Variants in DENND2B observed in about 807,000 individuals in gnomAD.
DENND2B encodes DENN domain-containing protein 2B.
A neutral mutation model predicts 116.0 loss-of-function variants in DENND2B; 32 were observed. The ratio of observed to expected loss-of-function variants is 0.28; its 90% CI spans 0.21 to 0.37. The LOEUF is 0.37. Ranked by LOEUF, DENND2B falls within the 10% of genes least tolerant of loss-of-function variation. DENND2B has a pLI of 1.00. For synonymous variants in DENND2B, 588 were observed against 583.9 expected (o/e 1.01, Z -0.10); for missense variants, 1,276 against 1,477.7 (o/e 0.86, Z 2.24).
intron 1 of DENND2B, among the ~76,000 whole-genome samples, chr11:8,898,274 C>T (rs2064126583): frequency 6.6e-6 from 1 of 152,114 alleles, no homozygotes; most frequent in Non-Finnish European, 1.5e-5. Flanking sequence ...CATCTGTAGT[C>T]CCAGCTACTC....
At chr11:8,701,297 C>T (rs1370382797) in intron 14 of DENND2B, among the ~76,000 whole-genome samples, 1 of 141,650 alleles carries the variant, frequency 7.1e-6, no homozygotes, top group Admixed American at 7.9e-5. Flanking sequence ...GAACATCAGG[C>T]GCCCTACATT....
At chr11:8,820,577 C>T (rs1594100564) in intron 4 of DENND2B, among the ~76,000 whole-genome samples, 3 of 152,226 alleles carry the variant, frequency 2.0e-5, no homozygotes, top group South Asian at 2.1e-4. Flanking sequence ...TGTAATCTAG[C>T]ATATGCATGT....
intron 1 of DENND2B, among the ~76,000 whole-genome samples, chr11:8,755,833 A>G (rs1368878606): frequency 6.6e-6 from 1 of 152,062 alleles, no homozygotes; most frequent in African/African-American, 2.4e-5. Context: ...AGTGATGGTG[A>G]TGATGATGAT....
At chr11:8,817,027 G>C (rs1451122458) in intron 4 of DENND2B, among the ~76,000 whole-genome samples, 1 of 152,144 alleles carries the variant, frequency 6.6e-6, no homozygotes, top group Non-Finnish European at 1.5e-5. Context: ...GAAAAAAAAT[G>C]GAAGACTCAG....
chr11:8,770,516 G>C (rs549170453), intron 1 of DENND2B, among the ~76,000 whole-genome samples: 1 of 152,248 alleles, frequency 6.6e-6, no homozygotes, highest in East Asian at 1.9e-4. Flanking sequence ...ATTATTAACA[G>C]TATAATCACC....
intron 1 of DENND2B, among the ~76,000 whole-genome samples, chr11:8,895,848 T>C (rs2064095124): frequency 6.6e-6 from 1 of 152,114 alleles, no homozygotes; most frequent in Non-Finnish European, 1.5e-5. Flanking sequence ...GGTCTTGAAC[T>C]TCTGGCCTCA....
intron 4 of DENND2B, among the ~76,000 whole-genome samples, chr11:8,831,188 A>AAC (rs2134582906): frequency 6.6e-6 from 1 of 152,288 alleles, no homozygotes; most frequent in Admixed American, 6.5e-5. Context: ...TCTGCCCCAC[A>AAC]ACACATGACC....
chr11:8,903,425 A>G (rs535477822), intron 1 of DENND2B, among the ~76,000 whole-genome samples: 1 of 152,004 alleles, frequency 6.6e-6, no homozygotes, highest in East Asian at 1.9e-4. Context: ...AAAAGAAAAA[A>G]AAAGGATATT....
chr11:8,874,312 G>T (rs1032202409), upstream of DENND2B, among the ~76,000 whole-genome samples: 5 of 152,220 alleles, frequency 3.3e-5, no homozygotes, highest in African/African-American at 1.2e-4. Context: ...AACACATCTT[G>T]TAGCTAAGGG....
At chr11:8,735,749 G>A (rs1178985763) in intron 2 of DENND2B, among the ~76,000 whole-genome samples, 2 of 152,216 alleles carry the variant, frequency 1.3e-5, no homozygotes, top group Admixed American at 1.3e-4. Context: ...GCTGAAGGAG[G>A]GTCAGGAGAG....
intron 3 of DENND2B, among the ~76,000 whole-genome samples, chr11:8,728,631 T>C (rs1488432963): frequency 6.6e-6 from 1 of 152,208 alleles, no homozygotes; most frequent in Admixed American, 6.5e-5. Context: ...CAACTGCTTT[T>C]GGCTCTTCTA....
intron 2 of DENND2B, among the ~76,000 whole-genome samples, chr11:8,866,301 T>G (rs2063579293): frequency 6.6e-6 from 1 of 152,204 alleles, no homozygotes; most frequent in Admixed American, 6.5e-5. Context: ...TTAGAAAACC[T>G]AAATCACCTG....
chr11:8,782,027 G>A (rs1480122465), intron 1 of DENND2B, among the ~76,000 whole-genome samples: 5 of 152,152 alleles, frequency 3.3e-5, no homozygotes, highest in Non-Finnish European at 5.9e-5. Context: ...ACCTAGTAAA[G>A]CTAAAGAATC....
chr11:8,790,699 G>A (rs1252582811), intron 1 of DENND2B, among the ~76,000 whole-genome samples: 3 of 152,192 alleles, frequency 2.0e-5, no homozygotes, highest in African/African-American at 4.8e-5. Context: ...AGTCCAGGAG[G>A]TAGAGGCTGC....
rs550921535 is a variant in DENND2B, at chr11:8,693,893, G to A, written c.*203C>T. The A allele has an allele frequency of 1.0e-4, 54 of 536,270 alleles. No homozygotes were observed. Among genetic ancestry groups the A allele is most frequent in the African/African-American group, 9.5e-4 (49 of 51,800 alleles). 33.2% of individuals were successfully genotyped at this position (536,270 alleles called of 1,614,324 possible). Reference sequence around the variant, plus strand: ...AATATTTGCCATATTCTCTTTGCTTGTTACAAAAAACAGTTAAGAAAGCTT... The same window carrying A: ...AATATTTGCCATATTCTCTTTGCTTATTACAAAAAACAGTTAAGAAAGCTT... On this transcript the variant is annotated 3_prime_UTR_variant, in exon 20 of 20. Coordinates refer to ENST00000313726, the MANE Select transcript of DENND2B (RefSeq NM_213618.2).
intron 1 of DENND2B, among the ~76,000 whole-genome samples, chr11:8,759,379 T>C (rs138698010): frequency 1.3e-5 from 2 of 152,298 alleles, no homozygotes; most frequent in East Asian, 3.9e-4. Context: ...AAGCCTCCCA[T>C]TCTGCTGAGG....
At chr11:8,778,801 A>C (rs925890685) in intron 1 of DENND2B, among the ~76,000 whole-genome samples, 2 of 152,240 alleles carry the variant, frequency 1.3e-5, no homozygotes, top group Non-Finnish European at 2.9e-5. Context: ...AATGCTGATT[A>C]CTGTCGAAAG....
At chr11:8,852,057 A>G (rs1352798626) in intron 3 of DENND2B, among the ~76,000 whole-genome samples, 1 of 152,194 alleles carries the variant, frequency 6.6e-6, no homozygotes, top group East Asian at 1.9e-4. Flanking sequence ...GCTTCTGGAG[A>G]GCAGAGAAGG....
intron 4 of DENND2B, among the ~76,000 whole-genome samples, chr11:8,819,968 T>C (rs2061702233): frequency 6.6e-6 from 1 of 152,250 alleles, no homozygotes; most frequent in African/African-American, 2.4e-5. Context: ...TTTCTCTAAG[T>C]CTAAAATTAT....
Sources: allele counts gnomAD v4.1 joint callset (sites outside exome capture counted in the v4.1 genomes callset), GRCh38; gene constraint gnomAD v4.1.1; transcripts MANE v1.5; gene names NCBI Gene and HGNC (gene_info 2026-07-23, HGNC 2026-07-21).